Variants in BMP7 observed in about 807,000 individuals in gnomAD.
BMP7 encodes osteogenic protein 1.
In BMP7, 12 loss-of-function variants were observed where a neutral mutation model predicts 41.2. The ratio of observed to expected loss-of-function variants is 0.29; its 90% CI spans 0.19 to 0.47. The LOEUF is 0.47. Ranked by LOEUF, BMP7 falls within the 20% of genes least tolerant of loss-of-function variation. The probability of loss-of-function intolerance (pLI) is 0.99; values close to 1 mark genes in which losing one functional copy is unlikely to be tolerated. For missense variants in BMP7, 467 were observed against 606.0 expected (o/e 0.77, Z 2.41); for synonymous variants, 248 against 250.0 (o/e 0.99, Z 0.07).
chr20:57,170,486 T>C lies in BMP7; in HGVS notation c.*473A>G. On this transcript the variant is annotated 3_prime_UTR_variant, in exon 7 of 7. Coordinates refer to ENST00000395863, the MANE Select transcript of BMP7 (RefSeq NM_001719.3). ...TGTTTAGGAAAATATATCTGTAACG[T>C]CCTAACCATTTTCATTCATTCGTTT... 1 of 268,078 alleles carries C rather than the reference T, an allele frequency of 3.7e-6. No individual in the cohort carries two copies. The highest frequency in any genetic ancestry group is 4.3e-5 in the South Asian group (1 of 23,292). The allele number at this position is 268,078 out of a possible 1,614,324, so 16.6% of individuals were successfully genotyped here. A position where few individuals can be genotyped will look rare whatever the true frequency, so the allele number is the denominator to read the frequency against.
chr20:57,213,744 G>A lies in BMP7; in HGVS notation c.612-11121C>T, dbSNP rs1354710516. ...CTCGGGTCCCACAGTGGGTGCTCAG[G>A]GATGTAGGCTGTAGGGCTCCAGGCT... On this transcript the variant is annotated intron_variant, in intron 2 of 6. Transcript: ENST00000395863. This position sits in a 1 kb window ranked among gnomAD's most constrained non-coding sequence, Gnocchi z 4.4. 6.6e-6 allele frequency among the ~76,000 whole-genome samples: 1 copy of A among 152,166 alleles called. No individual in the cohort carries two copies. Among genetic ancestry groups the A allele is most frequent in the Non-Finnish European group, 1.5e-5 (1 of 68,026 alleles).
rs2066147238 is a variant in BMP7, at chr20:57,259,867, C to T, written c.418+5838G>A. Among the ~76,000 whole-genome samples the T allele has an allele frequency of 6.6e-6, 1 of 151,680 alleles. No homozygotes were observed. The highest frequency in any genetic ancestry group is 2.1e-4 in the South Asian group (1 of 4,810). ...TGAGTTTGAGCAATTTTTTTTTTGC[C>T]GGGGAAGCTTAAATGAACTATCTGT... On this transcript the variant is annotated intron_variant, in intron 1 of 6. Coordinates refer to ENST00000395863, the MANE Select transcript of BMP7 (RefSeq NM_001719.3). The surrounding 1 kb of genome is among the most constrained non-coding windows in gnomAD (Gnocchi z 4.7).
At chr20:57,180,143 C>T (rs1337857116) in intron 4 of BMP7, among the ~76,000 whole-genome samples, 1 of 152,166 alleles carries the variant, frequency 6.6e-6, no homozygotes, top group Non-Finnish European at 1.5e-5. Flanking sequence ...CACCCTGTTC[C>T]TCACCTTTCT....
Position 57,228,802 on chromosome 20 carries a change from T to C in BMP7, c.419-381A>G, listed in dbSNP as rs1324275819. Reference sequence around the variant, plus strand: ...TAGATAAGGTAACAGAAAACCTCTATGGAACCCAATTTCATCATCTAAAAA... The same window carrying C: ...TAGATAAGGTAACAGAAAACCTCTACGGAACCCAATTTCATCATCTAAAAA... On this transcript the variant is annotated intron_variant, in intron 1 of 6. Coordinates refer to ENST00000395863, the MANE Select transcript of BMP7 (RefSeq NM_001719.3). This position sits in a 1 kb window ranked among gnomAD's most constrained non-coding sequence, Gnocchi z 4.5. Among the ~76,000 whole-genome samples, 1 of 152,246 alleles carries C rather than the reference T, an allele frequency of 6.6e-6. No homozygotes were observed. The highest frequency in any genetic ancestry group is 2.4e-5 in the African/African-American group (1 of 41,468).
chr20:57,247,069 C>T (rs934781420), intron 1 of BMP7, among the ~76,000 whole-genome samples: 1 of 152,164 alleles, frequency 6.6e-6, no homozygotes, highest in African/African-American at 2.4e-5. Context: ...ATGATTATTA[C>T]AATGGCTAAC....
At chr20:57,220,113 G>C (rs1600630434) in intron 2 of BMP7, among the ~76,000 whole-genome samples, 1 of 152,194 alleles carries the variant, frequency 6.6e-6, no homozygotes, top group Admixed American at 6.5e-5. Context: ...CTTTCTTGGG[G>C]TGGCAAAATG....
In BMP7 at chr20:57,262,934, CCCAACCCTCT is replaced by C. The variant is rs527480051; in HGVS notation, c.418+2761_418+2770del. ...GCCAGACAAGTCTCCTACACCTCCC[CCCAACCCTCT>C]CCAACCCTACTGCCACCCCCAAGTC... is the stretch of plus-strand genomic sequence containing the variant. On this transcript the variant is annotated intron_variant, in intron 1 of 6. Coordinates refer to ENST00000395863, the MANE Select transcript of BMP7 (RefSeq NM_001719.3). 1.7e-4 allele frequency among the ~76,000 whole-genome samples: 26 copies of C among 152,310 alleles called. No individual in the cohort carries two copies. In the East Asian group the frequency reaches 4.6e-3, roughly 27 times the overall value.
intron 1 of BMP7, among the ~76,000 whole-genome samples, chr20:57,254,919 A>G (rs162324): frequency 0.98 from 149,240 of 152,270 alleles, 73,144 homozygotes; most frequent in East Asian, 1. Context: ...TCCCCATGGA[A>G]GGGTTATGGG....
chr20:57,231,312 T>C (rs1364933758), intron 1 of BMP7, among the ~76,000 whole-genome samples: 2 of 152,260 alleles, frequency 1.3e-5, no homozygotes, highest in East Asian at 1.9e-4. Flanking sequence ...CTACAGTTCA[T>C]AGGCGTTCAG....
intron 2 of BMP7, among the ~76,000 whole-genome samples, chr20:57,204,262 C>T (rs1984685732): frequency 6.6e-6 from 1 of 152,178 alleles, no homozygotes; most frequent in Non-Finnish European, 1.5e-5. Flanking sequence ...CCGGTTGGCT[C>T]CAGCCCCCAG....
In BMP7 at chr20:57,266,047, A is replaced by G; in HGVS notation, c.76T>C (p.Ser26Pro). ...TCCAGGCTGAAGTCGGCCAGGGCGG[A>G]GCGCAGCAGGAACAGGGGTGCCCAG... Reference protein sequence around the residue: ...ALWAPLFLLRSALADFSLDNE... With the variant: ...ALWAPLFLLRPALADFSLDNE... Residue 26 changes from serine (S) to proline (P), a missense_variant, in exon 1 of 7, where the codon TCC becomes CCC. Ser to Pro is a moderately conservative substitution (Grantham distance 74). Around this residue, in one of 2 missense-constraint regions of BMP7, gnomAD observed 407 missense variants for 485.9 expected, o/e 0.84. Transcript: ENST00000395863. 1 of 1,543,772 alleles carries G rather than the reference A, an allele frequency of 6.5e-7. No individual in the cohort carries two copies. The highest frequency in any genetic ancestry group is 8.7e-7 in the Non-Finnish European group (1 of 1,146,830).
intron 2 of BMP7, 80 bp from the exon 3 acceptor site, chr20:57,202,703 C>A: frequency 4.2e-6 from 4 of 957,248 alleles, no homozygotes; most frequent in Non-Finnish European, 6.2e-6. Context: ...GAAGCAGAGC[C>A]TCATGGGGTG....
intron 2 of BMP7, among the ~76,000 whole-genome samples, chr20:57,222,307 C>T (rs989587457): frequency 6.6e-6 from 1 of 152,296 alleles, no homozygotes; most frequent in African/African-American, 2.4e-5. Context: ...AAAAAAGCCA[C>T]CAAGGCCCAC....
At chr20:57,209,164 C>A (rs1159977897) in intron 2 of BMP7, among the ~76,000 whole-genome samples, 1 of 150,986 alleles carries the variant, frequency 6.6e-6, no homozygotes, top group African/African-American at 2.4e-5. Context: ...TACTAAATCA[C>A]ACCATTGTAC....
intron 3 of BMP7, among the ~76,000 whole-genome samples, chr20:57,189,538 A>T (rs1315962465): frequency 6.6e-6 from 1 of 152,204 alleles, no homozygotes; most frequent in Non-Finnish European, 1.5e-5. Flanking sequence ...GTGCCATTCC[A>T]CATGATTGGG....
At chr20:57,202,712 T>TG in intron 2 of BMP7, 89 bp from the exon 3 acceptor site, 2 of 531,268 alleles carry the variant, frequency 3.8e-6, no homozygotes, top group African/African-American at 2.0e-5. Flanking sequence ...CCTCATGGGG[T>TG]GGGAGGGGAG....
chr20:57,180,042 C>T (rs1984039027), intron 4 of BMP7, among the ~76,000 whole-genome samples: 1 of 152,144 alleles, frequency 6.6e-6, no homozygotes, highest in Non-Finnish European at 1.5e-5. Flanking sequence ...ACGGAAGTCT[C>T]TGCCGGGATG....
intron 2 of BMP7, among the ~76,000 whole-genome samples, chr20:57,219,536 A>G (rs1330272904): frequency 6.6e-6 from 1 of 152,152 alleles, no homozygotes; most frequent in Non-Finnish European, 1.5e-5. Context: ...GGTGGGCAGA[A>G]GCCAGGGCTG....
intron 1 of BMP7, among the ~76,000 whole-genome samples, chr20:57,245,542 T>A (rs983502493): frequency 6.6e-6 from 1 of 151,416 alleles, no homozygotes; most frequent in Non-Finnish European, 1.5e-5. Context: ...ACATTTTGTA[T>A]CCTATATGAA....
Sources: allele counts gnomAD v4.1 joint callset (sites outside exome capture counted in the v4.1 genomes callset), GRCh38; gene constraint gnomAD v4.1.1; regional missense constraint gnomAD v4.1.1; non-coding constraint Gnocchi (gnomAD v3.1); transcripts MANE v1.5; gene names NCBI Gene and HGNC (gene_info 2026-07-23, HGNC 2026-07-21).